Variants in GDPGP1 observed in about 807,000 individuals in gnomAD.
GDPGP1 encodes GDP-D-glucose phosphorylase 1.
In GDPGP1, 18 loss-of-function variants were observed where a neutral mutation model predicts 19.2. That is an observed-to-expected ratio of 0.94 (90% CI 0.65 to 1.39). The LOEUF (loss-of-function observed/expected upper bound fraction) is 1.39, where lower values mean the gene tolerates loss of function less well. Ranked by LOEUF, GDPGP1 falls within the 40% of genes most tolerant of loss-of-function variation. The pLI is 0.00. For synonymous variants in GDPGP1, 219 were observed against 208.9 expected (o/e 1.05, Z -0.42); for missense variants, 449 against 490.5 (o/e 0.92, Z 0.80).
At chr15:90,234,732 T>C (rs1471229042) in intron 2 of GDPGP1, 136 bp downstream of exon 2, 1 of 152,280 alleles carries the variant, frequency 6.6e-6, no homozygotes, top group Non-Finnish European at 1.5e-5. Flanking sequence ...TTCTCATCAT[T>C]CCAGCTGACC....
Position 90,241,108 on chromosome 15 carries a change from G to A in GDPGP1, c.200G>A (p.Trp67Ter), listed in dbSNP as rs1448697442. 1 of 1,614,136 alleles carries A rather than the reference G, an allele frequency of 6.2e-7. No individual in the cohort carries two copies. Among genetic ancestry groups the A allele is most frequent in the South Asian group, 1.1e-5 (1 of 91,086 alleles). ...TTTGATGCTGCACTCTGCTCTGCCT[G>A]GAAGCAGCGGGTGGAGCTGGGGCTG... is the stretch of plus-strand genomic sequence containing the variant. ...SPFDAALCSA[W>*]KQRVELGLFR... The change falls in exon 4 of 4, where the codon TGG (tryptophan) becomes TAG (stop). Residue 67 changes from tryptophan (W) to a stop codon, truncating the protein, a stop_gained. Coordinates refer to ENST00000329600, the MANE Select transcript of GDPGP1 (RefSeq NM_001013657.3). LOFTEE classifies it high-confidence loss of function.
chr15:90,240,813 C>CA (rs987133069), intron 3 of GDPGP1, 87 bp from the exon 4 acceptor site: 14,722 of 665,390 alleles, frequency 0.022, 1 homozygote, highest in East Asian at 0.032. Flanking sequence ...GACTCCATCT[C>CA]AAAAAAAAAA....
At chr15:90,235,444 CTGGAGGT>C (rs1962613108) in intron 2 of GDPGP1, among the ~76,000 whole-genome samples, 1 of 152,060 alleles carries the variant, frequency 6.6e-6, no homozygotes, top group Non-Finnish European at 1.5e-5. Flanking sequence ...AACCTGGGAG[CTGGAGGT>C]TGCAGTGAGC....
Position 90,242,219 on chromosome 15 carries a change from C to A in GDPGP1, c.*153C>A. On this transcript the variant is annotated 3_prime_UTR_variant, in exon 4 of 4. Coordinates refer to ENST00000329600, the MANE Select transcript of GDPGP1 (RefSeq NM_001013657.3). The stretch of plus-strand genomic sequence containing the variant: ...CCTCCCACCTCAGCCTCTTGAGTAG[C>A]TGAGACTATAGGCGTGCACCACCAC... 1.9e-6 allele frequency: 1 copy of A among 538,484 alleles called. No individual in the cohort carries two copies. Among genetic ancestry groups the A allele is most frequent in the Non-Finnish European group, 3.2e-6 (1 of 310,558 alleles). 33.4% of individuals were successfully genotyped at this position (538,484 alleles called of 1,614,324 possible).
At chr15:90,237,083 C>T (rs889228961) in intron 2 of GDPGP1, among the ~76,000 whole-genome samples, 4 of 151,910 alleles carry the variant, frequency 2.6e-5, no homozygotes, top group Middle Eastern at 6.8e-3. Context: ...CTTAGCCTCC[C>T]GAGTAGCTGA....
chr15:90,241,379 C>G lies in GDPGP1; in HGVS notation c.471C>G (p.Ile157Met). 1 of 1,614,072 alleles carries G rather than the reference C, an allele frequency of 6.2e-7. No homozygotes were observed. The highest frequency in any genetic ancestry group is 1.3e-5 in the African/African-American group (1 of 75,066). The change falls in exon 4 of 4, where the codon ATC (isoleucine) becomes ATG (methionine). Residue 157 changes from isoleucine to methionine, a missense_variant. Coordinates refer to ENST00000329600, the MANE Select transcript of GDPGP1 (RefSeq NM_001013657.3). ...TLLQEDILVV[I>M]NVSPLEWGHV... is the part of the protein sequence containing the mutation. ...TGCAAGAAGACATCCTGGTGGTGAT[C>G]AACGTCAGCCCCCTGGAGTGGGGCC... is the stretch of plus-strand genomic sequence containing the variant.
intron 2 of GDPGP1, among the ~76,000 whole-genome samples, chr15:90,235,827 C>T (rs1962625043): frequency 6.6e-6 from 1 of 152,194 alleles, no homozygotes; most frequent in East Asian, 1.9e-4. Flanking sequence ...CTCGGCCTCT[C>T]AAAGTGCTGG....
rs1016964047 is a variant in GDPGP1, at chr15:90,245,294, G to T, written c.*3228G>T. ...GTTCAAGACCAGCCTGGCCAACATG[G>T]TGAAACCCCGTCTCTACTAAAAACA... On this transcript the variant is annotated 3_prime_UTR_variant, in exon 4 of 4. Transcript: ENST00000329600. The T allele has an allele frequency of 3.9e-5, 6 of 152,118 alleles. No homozygotes were observed. Among genetic ancestry groups the T allele is most frequent in the African/African-American group, 1.4e-4 (6 of 41,410 alleles). The allele number at this position is 152,118 out of a possible 1,614,324, so 9.4% of individuals were successfully genotyped here.
At chr15:90,237,061 C>G (rs904872546) in intron 2 of GDPGP1, among the ~76,000 whole-genome samples, 1 of 151,534 alleles carries the variant, frequency 6.6e-6, no homozygotes, top group Non-Finnish European at 1.5e-5. Context: ...CAGATTCAAG[C>G]GATTCTCCTG....
rs1403885084 is a variant in GDPGP1, at chr15:90,243,980, G to A, written c.*1914G>A. 6.7e-6 allele frequency: 1 copy of A among 149,210 alleles called. No homozygotes were observed. The highest frequency in any genetic ancestry group is 2.5e-5 in the African/African-American group (1 of 40,102). 9.2% of individuals were successfully genotyped at this position (149,210 alleles called of 1,614,324 possible). On this transcript the variant is annotated 3_prime_UTR_variant, in exon 4 of 4. Coordinates refer to ENST00000329600, the MANE Select transcript of GDPGP1 (RefSeq NM_001013657.3). ...TTTTCTTGAATCAGAGTTTCACTCT[G>A]TTGCCCAGGCTGGAGTGCAGTGGTG...
At chr15:90,237,950 T>G (rs80331066) in intron 2 of GDPGP1, among the ~76,000 whole-genome samples, 3,678 of 152,234 alleles carry the variant, frequency 0.024, 140 homozygotes, top group African/African-American at 0.08. Context: ...AGCTTCACTT[T>G]TTTGTTGTTG....
rs986158066 is a variant in GDPGP1 at position 90,234,288 on chromosome 15, C to T, written c.-146C>T. ...AAGTCGCGAGGTGCATCCGCTTCGG[C>T]TGCAGTAGGTGGTGGCGGCGGCAGC... On this transcript the variant is annotated 5_prime_UTR_variant, in exon 1 of 4. Transcript: ENST00000329600. The T allele has an allele frequency of 3.7e-4, 65 of 177,914 alleles. No individual in the cohort carries two copies. Among genetic ancestry groups the T allele is most frequent in the Non-Finnish European group, 4.5e-4 (38 of 85,344 alleles). 11.0% of individuals were successfully genotyped at this position (177,914 alleles called of 1,614,324 possible). A position where few individuals can be genotyped will look rare whatever the true frequency, so the allele number is the denominator to read the frequency against.
At chr15:90,238,700 A>G (rs1962685730) in intron 3 of GDPGP1, among the ~76,000 whole-genome samples, 152 bp downstream of exon 3, 1 of 152,204 alleles carries the variant, frequency 6.6e-6, no homozygotes, top group Non-Finnish European at 1.5e-5. Flanking sequence ...CCCACACATC[A>G]GTGCCATCCT....
At chr15:90,239,109 T>C (rs1962693194) in intron 3 of GDPGP1, among the ~76,000 whole-genome samples, 1 of 152,224 alleles carries the variant, frequency 6.6e-6, no homozygotes, top group Non-Finnish European at 1.5e-5. Context: ...CTACAACCTA[T>C]ATAAACAGTT....
At position 90,241,548 on chromosome 15, in the gene GDPGP1, G is replaced by C; in HGVS notation, c.640G>C (p.Val214Leu). The C allele has an allele frequency of 1.9e-6, 3 of 1,613,248 alleles. No homozygotes were observed. Among genetic ancestry groups the C allele is most frequent in the Non-Finnish European group, 2.5e-6 (3 of 1,180,034 alleles). The stretch of plus-strand genomic sequence containing the variant: ...CAACAGCCTGGGAGGCTTGGCCTCG[G>C]TGAACCACCTCCACCTGCATGGCTA... ...GFNSLGGLAS[V>L]NHLHLHGYYL... Residue 214 changes from valine (V) to leucine (L), a missense_variant, in exon 4 of 4, where the codon GTG becomes CTG. Val to Leu is a conservative substitution (Grantham distance 32). Transcript: ENST00000329600.
intron 3 of GDPGP1, 114 bp from the exon 4 acceptor site, chr15:90,240,786 C>T (rs1415768491): frequency 7.3e-6 from 5 of 684,204 alleles, no homozygotes; most frequent in Non-Finnish European, 1.2e-5. Flanking sequence ...TGCACTCCAG[C>T]CTGGGTGACA....
At position 90,240,907 on chromosome 15, in the gene GDPGP1, C is replaced by G; in HGVS notation, c.-2C>G. 6.2e-7 allele frequency: 1 copy of G among 1,610,316 alleles called. No homozygotes were observed. Among genetic ancestry groups the G allele is most frequent in the Non-Finnish European group, 8.5e-7 (1 of 1,177,008 alleles). ...CTTTTATGACTATTTCAGGTCAGCT[C>G]TATGGCTCTTCCACATGATTCAAAC... On this transcript the variant is annotated 5_prime_UTR_variant, in exon 4 of 4. Coordinates refer to ENST00000329600, the MANE Select transcript of GDPGP1 (RefSeq NM_001013657.3).
intron 2 of GDPGP1, among the ~76,000 whole-genome samples, chr15:90,237,910 A>G (rs564578585): frequency 1.3e-5 from 2 of 152,170 alleles, no homozygotes; most frequent in African/African-American, 4.8e-5. Context: ...TGAGAATAAG[A>G]TACTACATTT....
At position 90,236,564 on chromosome 15, in the gene GDPGP1, T is replaced by C. The variant is rs373969864; in HGVS notation, c.-66-1928T>C. ...TTATTTTTATTTGTGAGATGGAGTC[T>C]CACTCTGTCACCAGGCTGGAGTACA... On this transcript the variant is annotated intron_variant, in intron 2 of 3. Transcript: ENST00000329600. 5.3e-5 allele frequency among the ~76,000 whole-genome samples: 8 copies of C among 152,172 alleles called. 1 individual carries two copies. In the East Asian group the frequency reaches 9.7e-4, roughly 18 times the overall value.
Sources: gnomAD v4.1 joint callset for allele counts (sites outside exome capture counted in the v4.1 genomes callset) on GRCh38, gnomAD v4.1.1 for gene constraint, MANE v1.5 for transcripts, NCBI Gene and HGNC (gene_info 2026-07-23, HGNC 2026-07-21) for gene names.